The following KCNK9 variants were observed in gnomAD, a reference collection of about 807,000 sequenced individuals.
The protein encoded by KCNK9 is potassium two pore domain channel subfamily K member 9.
In KCNK9, 1 loss-of-function variant was observed where a neutral mutation model predicts 10.8. The observed-to-expected ratio is 0.09, with a 90% CI of 0.03 to 0.44. The LOEUF is 0.44. Ranked by LOEUF, KCNK9 falls within the 20% of genes least tolerant of loss-of-function variation. The probability of loss-of-function intolerance (pLI) is 0.97; values close to 1 mark genes in which losing one functional copy is unlikely to be tolerated. For synonymous variants in KCNK9, 231 were observed against 222.7 expected, an observed-to-expected ratio of 1.04 and a Z score of -0.33; for missense variants, 303 against 515.0, an observed-to-expected ratio of 0.59 and a Z score of 3.98.
In KCNK9 at chr8:139,619,147, C is replaced by G; in HGVS notation, c.284-48G>C. The G allele has an allele frequency of 3.1e-6, 5 of 1,607,830 alleles. No individual in the cohort carries two copies. In the South Asian group the frequency reaches 3.3e-5, roughly 11 times the overall value. The stretch of plus-strand genomic sequence containing the variant: ...ACAGAGAGAGCAAGTGAGGAGGGGT[C>G]TAGAGGTTGGGGGAAGGGAGGGTCG... On this transcript the variant is annotated intron_variant, in intron 1 of 1. Transcript: ENST00000520439.
rs1275332930 is a variant in KCNK9, at chr8:139,666,464, C to G, written c.283+36246G>C. On this transcript the variant is annotated intron_variant, in intron 1 of 1. Coordinates refer to ENST00000520439, the MANE Select transcript of KCNK9 (RefSeq NM_001282534.2). ...GTCCGGTGGCACTCTCTAAAGTGCT[C>G]AGAACACTGTGGTCATCCCCATTTT... 2.6e-5 allele frequency among the ~76,000 whole-genome samples: 4 copies of G among 152,326 alleles called. No homozygotes were observed. The East Asian group carries it at 5.8e-4, about 22-fold the overall frequency.
intron 2 of KCNK9, among the ~76,000 whole-genome samples, chr8:139,602,609 A>G (rs1817399085): frequency 6.6e-6 from 1 of 152,158 alleles, no homozygotes; most frequent in Admixed American, 6.5e-5. Context: ...GTGATCTCCT[A>G]TGTCTTATTT....
At chr8:139,615,073 G>T (rs867100183), downstream of KCNK9, among the ~76,000 whole-genome samples, 1 of 152,200 alleles carries the variant, frequency 6.6e-6, no homozygotes, top group South Asian at 2.1e-4. Context: ...TTGGATGAAA[G>T]AAAGAAATTA....
intron 1 of KCNK9, among the ~76,000 whole-genome samples, chr8:139,625,420 G>A (rs1454090532): frequency 4.6e-5 from 7 of 152,238 alleles, no homozygotes; most frequent in African/African-American, 1.4e-4. Flanking sequence ...CTCCCGAGGA[G>A]AGCAGAGCCC....
intron 1 of KCNK9, among the ~76,000 whole-genome samples, chr8:139,698,409 T>C (rs918748225): frequency 1.3e-5 from 2 of 152,138 alleles, no homozygotes; most frequent in African/African-American, 4.8e-5. Context: ...ATAGTATTTA[T>C]TAAAGAAAAA....
intron 1 of KCNK9, among the ~76,000 whole-genome samples, chr8:139,657,116 T>C (rs1448067366): frequency 6.6e-6 from 1 of 152,194 alleles, no homozygotes; most frequent in Non-Finnish European, 1.5e-5. Context: ...AGCTCCAAGC[T>C]TGCTGCCCTC....
intron 1 of KCNK9, among the ~76,000 whole-genome samples, chr8:139,621,968 AG>A (rs938323308): frequency 7.2e-5 from 11 of 152,200 alleles, no homozygotes; most frequent in African/African-American, 2.7e-4. Flanking sequence ...ACCAGGTGCC[AG>A]GGTCCCCCAC....
At position 139,702,516 on chromosome 8, in the gene KCNK9, G is replaced by A. The variant is rs1482076702; in HGVS notation, c.283+194C>T. On this transcript the variant is annotated intron_variant, in intron 1 of 1. Transcript: ENST00000520439. This position sits in a 1 kb window ranked among gnomAD's most constrained non-coding sequence, Gnocchi z 7.5. ...CAGCGCGGTGGAGAGCACCGGGTGG[G>A]GTCCCCGAAGGGTGAGGCTCGGAGG... 6.6e-6 allele frequency among the ~76,000 whole-genome samples: 1 copy of A among 152,172 alleles called. No individual in the cohort carries two copies. Among genetic ancestry groups the A allele is most frequent in the Non-Finnish European group, 1.5e-5 (1 of 68,034 alleles).
At chr8:139,687,359 CAT>C (rs1816814501) in intron 1 of KCNK9, among the ~76,000 whole-genome samples, 1 of 144,094 alleles carries the variant, frequency 6.9e-6, no homozygotes, top group Non-Finnish European at 1.5e-5. Context: ...TATATGTATA[CAT>C]ATATATGTGT....
chr8:139,682,074 G>A (rs558665966), intron 1 of KCNK9, among the ~76,000 whole-genome samples: 1 of 152,340 alleles, frequency 6.6e-6, no homozygotes, highest in East Asian at 1.9e-4. Flanking sequence ...CACGAGGGGT[G>A]CAGGGAGAAG....
rs190693414 is a variant in KCNK9, at chr8:139,636,517, C to T, written c.284-17418G>A. On this transcript the variant is annotated intron_variant, in intron 1 of 1. Coordinates refer to ENST00000520439, the MANE Select transcript of KCNK9 (RefSeq NM_001282534.2). Reference sequence around the variant, plus strand: ...CCTTTCAGCAGAGGTAGACTCAGCTCCTGCTGCTGACCCAATGCTAAAAGT... The same window carrying T: ...CCTTTCAGCAGAGGTAGACTCAGCTTCTGCTGCTGACCCAATGCTAAAAGT... Among the ~76,000 whole-genome samples the T allele has an allele frequency of 8.5e-5, 13 of 152,362 alleles. No individual in the cohort carries two copies. In the East Asian group the frequency reaches 1.5e-3, roughly 18 times the overall value.
chr8:139,630,123 G>A (rs1467466186), intron 1 of KCNK9, among the ~76,000 whole-genome samples: 1 of 152,140 alleles, frequency 6.6e-6, no homozygotes, highest in African/African-American at 2.4e-5. Context: ...AAAGAAAACG[G>A]CTCGGAACTC....
rs1420006754 is a variant in KCNK9 at position 139,680,878 on chromosome 8, C to G, written c.283+21832G>C. Among the ~76,000 whole-genome samples, 4 of 152,322 alleles carry G rather than the reference C, an allele frequency of 2.6e-5. 1 individual carries two copies. The highest frequency in any genetic ancestry group is 2.6e-4 in the Admixed American group (4 of 15,310). On this transcript the variant is annotated intron_variant, in intron 1 of 1. Coordinates refer to ENST00000520439, the MANE Select transcript of KCNK9 (RefSeq NM_001282534.2). ...GGTGCAAAATCTAAACTCCTCCTCA[C>G]AATCTCCATGGTCCTGCCCAGCAGC...
intron 1 of KCNK9, among the ~76,000 whole-genome samples, chr8:139,681,705 C>T (rs560893841): frequency 2.0e-5 from 3 of 152,342 alleles, no homozygotes; most frequent in Non-Finnish European, 4.4e-5. Flanking sequence ...GCCTCTGGGG[C>T]CAGCTCCCTG....
rs1335435919 is a variant in KCNK9 at position 139,641,262 on chromosome 8, C to T, written c.284-22163G>A. ...ATTCATACCTTGCAGCTGCACCCAG[C>T]ACCCACTCTCAGGGTGCCCTCACCG... On this transcript the variant is annotated intron_variant, in intron 1 of 1. Coordinates refer to ENST00000520439, the MANE Select transcript of KCNK9 (RefSeq NM_001282534.2). 4.6e-5 allele frequency among the ~76,000 whole-genome samples: 7 copies of T among 152,198 alleles called. No homozygotes were observed. In the South Asian group the frequency reaches 6.2e-4, roughly 13 times the overall value.
chr8:139,642,424 A>G (rs1586656423), intron 1 of KCNK9, among the ~76,000 whole-genome samples: 1 of 152,208 alleles, frequency 6.6e-6, no homozygotes, highest in East Asian at 1.9e-4. Context: ...ACAATCCACA[A>G]TTTTAATGAG....
At chr8:139,639,539 G>T (rs1815436892) in intron 1 of KCNK9, among the ~76,000 whole-genome samples, 1 of 152,226 alleles carries the variant, frequency 6.6e-6, no homozygotes, top group Non-Finnish European at 1.5e-5. Flanking sequence ...AAGGACTGGG[G>T]TGCAAAGCCA....
chr8:139,694,512 T>C (rs1817006230), intron 1 of KCNK9, among the ~76,000 whole-genome samples: 1 of 152,136 alleles, frequency 6.6e-6, no homozygotes, highest in Non-Finnish European at 1.5e-5. Flanking sequence ...TCTGCCTGCT[T>C]CCCAGCTGTG....
At chr8:139,623,885 C>T (rs942252720) in intron 1 of KCNK9, among the ~76,000 whole-genome samples, 1 of 152,294 alleles carries the variant, frequency 6.6e-6, no homozygotes, top group Non-Finnish European at 1.5e-5. Flanking sequence ...CCCAGAGGGG[C>T]GCCTCCGACT....
Sources: allele counts gnomAD v4.1 joint callset (sites outside exome capture counted in the v4.1 genomes callset), GRCh38; gene constraint gnomAD v4.1.1; non-coding constraint Gnocchi (gnomAD v3.1); transcripts MANE v1.5; gene names NCBI Gene and HGNC (gene_info 2026-07-23, HGNC 2026-07-21).